The following AGK variants were observed in gnomAD, a reference collection of about 807,000 sequenced individuals.
AGK encodes the protein acylglycerol kinase.
A neutral mutation model predicts 66.4 loss-of-function variants in AGK; 52 were observed. That is an observed-to-expected ratio of 0.78 (90% CI 0.63 to 0.99). The LOEUF (loss-of-function observed/expected upper bound fraction) is 0.99. Ranked by LOEUF, AGK falls within the 50% of genes least tolerant of loss-of-function variation. AGK has a pLI of 0.00. For synonymous variants in AGK, 182 were observed against 181.1 expected (o/e 1.00, Z -0.04); for missense variants, 451 against 506.6 (o/e 0.89, Z 1.05).
chr7:141,614,635 TG>T (rs1796668883), intron 7 of AGK, among the ~76,000 whole-genome samples: 1 of 151,456 alleles, frequency 6.6e-6, no homozygotes, highest in Non-Finnish European at 1.5e-5. Context: ...ATACTATGTA[TG>T]GTTAATGGAT....
At chr7:141,601,674 G>C (rs1796346850) in intron 5 of AGK, among the ~76,000 whole-genome samples, 1 of 152,140 alleles carries the variant, frequency 6.6e-6, no homozygotes. Context: ...ATTATCTTTG[G>C]TGAAGAATTT....
chr7:141,609,858 C>T (rs1796542938), intron 5 of AGK, among the ~76,000 whole-genome samples: 1 of 152,140 alleles, frequency 6.6e-6, no homozygotes, highest in African/African-American at 2.4e-5. Context: ...TAACAAAAGA[C>T]ATTTTTATCG....
intron 15 of AGK, 188 bp from the exon 16 acceptor site, chr7:141,652,599 T>C: frequency 2.2e-6 from 1 of 463,940 alleles, no homozygotes. Context: ...AATTAGGATG[T>C]TTCCAGAACC....
chr7:141,581,802 A>G (rs1254323625), intron 2 of AGK, among the ~76,000 whole-genome samples: 1 of 151,888 alleles, frequency 6.6e-6, no homozygotes, highest in Non-Finnish European at 1.5e-5. Context: ...CCTAGACCTA[A>G]TAAGGGAGCT....
chr7:141,634,017 A>G (rs1797116707), intron 10 of AGK, 37 bp downstream of exon 10: 1 of 1,545,538 alleles, frequency 6.5e-7, no homozygotes, highest in Non-Finnish European at 8.9e-7. Context: ...ATGTTTTTTA[A>G]AAAAATCTTA....
chr7:141,625,710 TTCCTC>T (rs1270790801), intron 9 of AGK, among the ~76,000 whole-genome samples: 3 of 152,150 alleles, frequency 2.0e-5, no homozygotes, highest in Non-Finnish European at 4.4e-5. Flanking sequence ...TGGCCACCTC[TTCCTC>T]TCATGCCCTG....
rs1277238767 is a variant in AGK at position 141,556,054 on chromosome 7, T to C, written c.101+487T>C. 9.9e-5 allele frequency among the ~76,000 whole-genome samples: 15 copies of C among 152,268 alleles called. No individual in the cohort carries two copies. The East Asian group carries it at 2.5e-3, about 25-fold the overall frequency. On this transcript the variant is annotated intron_variant, in intron 2 of 15. Coordinates refer to ENST00000649286, the MANE Select transcript of AGK (RefSeq NM_018238.4). ...GATATGACACATCAATCAATATACG[T>C]AAGATGAACATTGGTTTTGGTCTGG...
intron 4 of AGK, chr7:141,596,937 A>G (rs1587108823): frequency 3.3e-6 from 1 of 303,318 alleles, no homozygotes; most frequent in Non-Finnish European, 6.1e-6. Context: ...CTGTACTGCT[A>G]GGACGTAAAT....
chr7:141,593,515 T>C (rs1379283832), intron 3 of AGK: 2 of 628,238 alleles, frequency 3.2e-6, no homozygotes, highest in South Asian at 1.9e-5. Context: ...GAATCATCCC[T>C]GATCTGAATA....
chr7:141,588,331 T>C (rs928228597), intron 2 of AGK, among the ~76,000 whole-genome samples: 2 of 152,068 alleles, frequency 1.3e-5, no homozygotes, highest in Non-Finnish European at 2.9e-5. Flanking sequence ...TGAAAGCAAG[T>C]TTATTAAGAT....
At chr7:141,567,147 C>T (rs1466793290) in intron 2 of AGK, among the ~76,000 whole-genome samples, 2 of 152,104 alleles carry the variant, frequency 1.3e-5, no homozygotes, top group Non-Finnish European at 2.9e-5. Flanking sequence ...TGGTGTCCCT[C>T]ATGTTCCATT....
chr7:141,601,840 GA>G (rs1192966022), intron 5 of AGK, among the ~76,000 whole-genome samples: 8 of 152,142 alleles, frequency 5.3e-5, no homozygotes, highest in Admixed American at 5.2e-4. Flanking sequence ...TGTATATAGT[GA>G]AAACCTCTCT....
rs776281181 is a variant in AGK, at chr7:141,652,782, C to T, written c.1132-5C>T. 6.2e-7 allele frequency: 1 copy of T among 1,612,722 alleles called. No individual in the cohort carries two copies. The highest frequency in any genetic ancestry group is 8.5e-7 in the Non-Finnish European group (1 of 1,179,956). ...GAGCTGTTCTGAATATTCTCTTCTC[C>T]CCAGGGAGCAGGGGGCTCTTTTAGC... On this transcript the variant is annotated splice_polypyrimidine_tract_variant and splice_region_variant and intron_variant, in intron 15 of 15. Transcript: ENST00000649286.
intron 2 of AGK, among the ~76,000 whole-genome samples, chr7:141,589,428 A>G (rs1025846665): frequency 3.3e-5 from 5 of 152,210 alleles, no homozygotes; most frequent in Admixed American, 6.5e-5. Context: ...AGAGCTTGCT[A>G]TAGATCATCA....
chr7:141,581,015 T>C (rs568823065), intron 2 of AGK, among the ~76,000 whole-genome samples: 3 of 151,990 alleles, frequency 2.0e-5, no homozygotes, highest in African/African-American at 4.8e-5. Flanking sequence ...AAGGCGAAAG[T>C]GTCCAACCAT....
chr7:141,617,015 C>A (rs1796721283), intron 8 of AGK, among the ~76,000 whole-genome samples: 1 of 151,980 alleles, frequency 6.6e-6, no homozygotes, highest in Admixed American at 6.6e-5. Context: ...CCTCGGCCTC[C>A]CAAAGTCAGT....
intron 9 of AGK, among the ~76,000 whole-genome samples, chr7:141,624,466 C>T (rs1318550634): frequency 6.6e-6 from 1 of 152,144 alleles, no homozygotes; most frequent in Non-Finnish European, 1.5e-5. Flanking sequence ...TAAGAACATT[C>T]ATGATTCATG....
chr7:141,650,394 T>C (rs2117031152), intron 14 of AGK: 4 of 450,850 alleles, frequency 8.9e-6, no homozygotes, highest in African/African-American at 2.1e-5. Flanking sequence ...ACCCCAATTC[T>C]ATTGCTAAGG....
chr7:141,640,342 T>C (rs1466994528), intron 11 of AGK, among the ~76,000 whole-genome samples: 1 of 152,164 alleles, frequency 6.6e-6, no homozygotes, highest in Non-Finnish European at 1.5e-5. Flanking sequence ...GGACAGCTGC[T>C]GTCAGAGAGA....
Sources: gnomAD v4.1 joint callset for allele counts (sites outside exome capture counted in the v4.1 genomes callset) on GRCh38, gnomAD v4.1.1 for gene constraint, MANE v1.5 for transcripts, NCBI Gene and HGNC (gene_info 2026-07-23, HGNC 2026-07-21) for gene names.